PCSK6: variants seen among roughly 807,000 people sequenced by gnomAD.
PCSK6 encodes paired basic amino acid cleaving enzyme 4.
Under a neutral mutation model 123.3 loss-of-function variants are expected in PCSK6, and 85 were observed. The ratio of observed to expected loss-of-function variants is 0.69; its 90% CI spans 0.58 to 0.83. PCSK6 has a LOEUF of 0.83. Ranked by LOEUF, PCSK6 falls within the 40% of genes least tolerant of loss-of-function variation. PCSK6 has a pLI of 0.00. For synonymous variants in PCSK6, 508 were observed against 516.0 expected, an observed-to-expected ratio of 0.98 and a Z score of 0.21; for missense variants, 1,191 against 1,282.3, an observed-to-expected ratio of 0.93 and a Z score of 1.09.
chr15:101,346,518 C>T (rs560292281), intron 13 of PCSK6: 7 of 220,764 alleles, frequency 3.2e-5, no homozygotes, highest in Middle Eastern at 1.4e-3. Context: ...CCTGTAGAGA[C>T]GTAGTTTGAA....
chr15:101,481,784 A>G (rs1455514927), intron 1 of PCSK6, among the ~76,000 whole-genome samples: 1 of 152,254 alleles, frequency 6.6e-6, no homozygotes. Flanking sequence ...AAAGATGATT[A>G]GTCCAGCTGA....
chr15:101,312,564 C>G (rs1278567651), intron 20 of PCSK6, among the ~76,000 whole-genome samples: 1 of 152,252 alleles, frequency 6.6e-6, no homozygotes, highest in Admixed American at 6.5e-5. Context: ...GGTGTGGTGG[C>G]TCACACCCGT....
intron 5 of PCSK6, among the ~76,000 whole-genome samples, chr15:101,429,731 G>A (rs545066080): frequency 2.6e-5 from 4 of 152,328 alleles, no homozygotes; most frequent in Middle Eastern, 3.4e-3. Context: ...AAACAGGAAC[G>A]ATGTCTGTCA....
chr15:101,446,956 G>T (rs1181425813), intron 1 of PCSK6, among the ~76,000 whole-genome samples: 3 of 152,194 alleles, frequency 2.0e-5, no homozygotes, highest in Non-Finnish European at 4.4e-5. Context: ...ACCAGGTCAG[G>T]AGTGTGAGGT....
chr15:101,316,299 G>A (rs2039989026), intron 19 of PCSK6: 1 of 152,298 alleles, frequency 6.6e-6, no homozygotes, highest in Non-Finnish European at 1.5e-5. Flanking sequence ...GAGACCCCCA[G>A]AGCTGTGGAC....
intron 6 of PCSK6, among the ~76,000 whole-genome samples, chr15:101,416,309 G>A (rs920049506): frequency 2.0e-5 from 3 of 152,180 alleles, no homozygotes; most frequent in Non-Finnish European, 4.4e-5. Context: ...GTGGAACTTT[G>A]AACTTGAGAA....
intron 1 of PCSK6, among the ~76,000 whole-genome samples, chr15:101,445,111 A>AGGAAG (rs2056853658): frequency 6.6e-6 from 1 of 152,202 alleles, no homozygotes; most frequent in African/African-American, 2.4e-5. Flanking sequence ...GACAGTCATG[A>AGGAAG]GGAATCAATG....
chr15:101,413,434 A>T (rs1596308940), intron 6 of PCSK6, among the ~76,000 whole-genome samples: 1 of 151,992 alleles, frequency 6.6e-6, no homozygotes, highest in African/African-American at 2.4e-5. Context: ...TGAGATTTTA[A>T]AAAGTGTTCA....
intron 11 of PCSK6, among the ~76,000 whole-genome samples, chr15:101,372,413 G>A (rs750899548): frequency 2.4e-4 from 37 of 152,286 alleles, no homozygotes; most frequent in Middle Eastern, 3.4e-3. Flanking sequence ...TAATTCCCTC[G>A]GAGACTCTGT....
chr15:101,307,072 A>G, intron 21 of PCSK6, 141 bp downstream of exon 21: 5 of 645,702 alleles, frequency 7.7e-6, no homozygotes, highest in Non-Finnish European at 1.1e-5. Flanking sequence ...GAGGAATCCC[A>G]GACAGTCAAT....
chr15:101,465,991 G>A (rs922035354), intron 1 of PCSK6, among the ~76,000 whole-genome samples: 4 of 152,110 alleles, frequency 2.6e-5, no homozygotes, highest in African/African-American at 7.2e-5. Context: ...ATCCAACAAC[G>A]CCAGCAAGGA....
intron 9 of PCSK6, among the ~76,000 whole-genome samples, chr15:101,386,364 C>A (rs1265052982): frequency 2.0e-5 from 3 of 152,200 alleles, no homozygotes; most frequent in Non-Finnish European, 4.4e-5. Context: ...CGAAGACGTA[C>A]AGAACACAAA....
At chr15:101,441,073 T>C (rs1018530127) in intron 2 of PCSK6, among the ~76,000 whole-genome samples, 10 of 152,226 alleles carry the variant, frequency 6.6e-5, no homozygotes, top group African/African-American at 1.9e-4. Context: ...TCTTCCTTTC[T>C]TCTTTACTGG....
chr15:101,489,335 C>A, intron 1 of PCSK6, 39 bp downstream of exon 1: 2 of 1,110,196 alleles, frequency 1.8e-6, no homozygotes, highest in South Asian at 3.0e-5. Flanking sequence ...CCGGAGGCCG[C>A]CGGGAAAGTT....
chr15:101,351,248 T>G (rs142722757), intron 13 of PCSK6, among the ~76,000 whole-genome samples: 165 of 152,344 alleles, frequency 1.1e-3, no homozygotes, highest in African/African-American at 3.8e-3. Context: ...TTTTCTGGGC[T>G]TAAGAAAGTG....
chr15:101,315,105 G>T (rs2039958285), intron 19 of PCSK6, among the ~76,000 whole-genome samples: 1 of 152,198 alleles, frequency 6.6e-6, no homozygotes, highest in Non-Finnish European at 1.5e-5. Flanking sequence ...CTCCCAAGTG[G>T]GAAAGAAAGC....
At chr15:101,441,170 C>T (rs12591689) in intron 2 of PCSK6, among the ~76,000 whole-genome samples, 92,535 of 152,014 alleles carry the variant, frequency 0.61, 28,827 homozygotes, top group African/African-American at 0.73. Flanking sequence ...TTAACTGCTA[C>T]GTTAGCCTTT....
intron 6 of PCSK6, among the ~76,000 whole-genome samples, chr15:101,409,874 G>C (rs2042895505): frequency 6.6e-6 from 1 of 152,198 alleles, no homozygotes; most frequent in African/African-American, 2.4e-5. Context: ...AGGAGGACCT[G>C]GTGCAGTGGA....
At chr15:101,399,381 T>A (rs2042518860) in intron 6 of PCSK6, among the ~76,000 whole-genome samples, 1 of 152,194 alleles carries the variant, frequency 6.6e-6, no homozygotes, top group Non-Finnish European at 1.5e-5. Flanking sequence ...TGGAGGGGAC[T>A]GGGGTCTTGG....
Sources: allele counts gnomAD v4.1 joint callset (sites outside exome capture counted in the v4.1 genomes callset), GRCh38; gene constraint gnomAD v4.1.1; transcripts MANE v1.5; gene names NCBI Gene and HGNC (gene_info 2026-07-23, HGNC 2026-07-21).